Variants in KCNAB2 observed in about 807,000 individuals in gnomAD.
The protein encoded by KCNAB2 is potassium voltage-gated channel subfamily A regulatory beta subunit 2.
In KCNAB2, 29 loss-of-function variants were observed where a neutral mutation model predicts 63.6. The ratio of observed to expected loss-of-function variants is 0.46; its 90% confidence interval spans 0.34 to 0.62. KCNAB2 has a LOEUF of 0.62. KCNAB2 is among the 20% of genes least tolerant of loss of function. The pLI is 0.01. For synonymous variants in KCNAB2, 222 were observed against 224.2 expected (o/e 0.99, Z 0.09); for missense variants, 359 against 563.9 (o/e 0.64, Z 3.68).
At position 6,101,125 on chromosome 1, in the gene KCNAB2, A is replaced by AC. The variant is rs528144676; in HGVS notation, c.*2553dup. ...CCTCGAGCTTCCAAACGAGACTCAG[A>AC]CCGCGACACAGCCACCGTATTTATG... On this transcript the variant is annotated 3_prime_UTR_variant, in exon 16 of 16. Transcript: ENST00000378083. 31 of 152,224 alleles carry AC rather than the reference A, an allele frequency of 2.0e-4. No homozygotes were observed. The highest frequency in any genetic ancestry group is 7.5e-4 in the African/African-American group (31 of 41,534). The allele number at this position is 152,224 out of a possible 1,614,324, so 9.4% of individuals were successfully genotyped here. A position where few individuals can be genotyped will look rare whatever the true frequency, so the allele number is the denominator to read the frequency against.
At chr1:6,091,939 A>C (rs1229977099) in intron 10 of KCNAB2, among the ~76,000 whole-genome samples, 1 of 152,180 alleles carries the variant, frequency 6.6e-6, no homozygotes, top group Non-Finnish European at 1.5e-5. Flanking sequence ...GCCTTCTGAA[A>C]CCAGGGGGTG....
intron 1 of KCNAB2, chr1:6,007,699 G>C (rs971332068): frequency 1.3e-5 from 2 of 152,290 alleles, no homozygotes; most frequent in African/African-American, 2.4e-5. Flanking sequence ...TTTTACTGTG[G>C]ATGCTTGGAA....
At chr1:5,996,211 T>TCA (rs1656929067) in intron 1 of KCNAB2, 1 of 152,720 alleles carries the variant, frequency 6.5e-6, no homozygotes, top group Non-Finnish European at 1.5e-5. Flanking sequence ...CTTCGTCCTG[T>TCA]CACTGCCCAC....
In KCNAB2 at chr1:6,024,932, C is replaced by T. The variant is rs2100347973; in HGVS notation, c.-52-15585C>T. Among the ~76,000 whole-genome samples, 1 of 152,196 alleles carries T rather than the reference C, an allele frequency of 6.6e-6. No individual in the cohort carries two copies. Among genetic ancestry groups the T allele is most frequent in the East Asian group, 1.9e-4 (1 of 5,196 alleles). On this transcript the variant is annotated intron_variant, in intron 1 of 16. Transcript: ENST00000341524. The surrounding 1 kb of genome is among the most constrained non-coding windows in gnomAD (Gnocchi z 5.4). ...TAATATTCTTGGGCCTCAATTTCCC[C>T]ATCTGTAAAAAGCATGTCATAGTCA...
At chr1:6,058,088 C>G (rs867424241) in intron 2 of KCNAB2, among the ~76,000 whole-genome samples, 2 of 152,256 alleles carry the variant, frequency 1.3e-5, no homozygotes, top group Middle Eastern at 6.8e-3. Context: ...GCAGAGTCTG[C>G]AGTGAGCCGA....
intron 2 of KCNAB2, among the ~76,000 whole-genome samples, chr1:6,058,119 A>T (rs1661997898): frequency 6.6e-6 from 1 of 152,334 alleles, no homozygotes; most frequent in South Asian, 2.1e-4. Context: ...CTGGCACTCC[A>T]GCCTGGGTGA....
At position 6,095,631 on chromosome 1, in the gene KCNAB2, G is replaced by A. The variant is rs1277325002; in HGVS notation, c.948+7G>A. On this transcript the variant is annotated splice_region_variant and intron_variant, in intron 13 of 15. Coordinates refer to ENST00000378083, the MANE Select transcript of KCNAB2 (RefSeq NM_001199862.2). Reference sequence around the variant, plus strand: ...CTCAAGAGCCTCCTTGAAGGTGAAGGAACAGCCTGGTGGGGAGGGACGGGC... The same window carrying A: ...CTCAAGAGCCTCCTTGAAGGTGAAGAAACAGCCTGGTGGGGAGGGACGGGC... 1 of 1,612,742 alleles carries A rather than the reference G, an allele frequency of 6.2e-7. No homozygotes were observed. Among genetic ancestry groups the A allele is most frequent in the Non-Finnish European group, 8.5e-7 (1 of 1,179,516 alleles).
intron 1 of KCNAB2, among the ~76,000 whole-genome samples, chr1:6,009,287 A>G: frequency 6.6e-6 from 1 of 152,214 alleles, no homozygotes; most frequent in Middle Eastern, 3.2e-3. Flanking sequence ...GGGGGCATCC[A>G]CCTGTGCAGA....
chr1:6,022,370 G>T (rs1294060772), intron 1 of KCNAB2, among the ~76,000 whole-genome samples: 2 of 149,946 alleles, frequency 1.3e-5, no homozygotes, highest in Non-Finnish European at 1.5e-5. Context: ...TGGTATTAAG[G>T]ATACAGCTAG....
chr1:6,052,987 A>G (rs1405737526), intron 2 of KCNAB2, among the ~76,000 whole-genome samples: 1 of 152,108 alleles, frequency 6.6e-6, no homozygotes, highest in Non-Finnish European at 1.5e-5. Context: ...AGTGGAGTGC[A>G]GGCCAGGACC....
chr1:6,040,965 G>A (rs534558433), upstream of KCNAB2, among the ~76,000 whole-genome samples: 53 of 152,326 alleles, frequency 3.5e-4, no homozygotes, highest in African/African-American at 1.2e-3. Flanking sequence ...GTGAGTGCAC[G>A]GCCAACCCCG....
rs541193422 is a variant in KCNAB2 at position 6,016,218 on chromosome 1, C to T, written c.-53+23430C>T. Among the ~76,000 whole-genome samples the T allele has an allele frequency of 4.5e-3, 690 of 152,284 alleles. 5 individuals carry two copies. The highest frequency in any genetic ancestry group is 0.014 in the Middle Eastern group (4 of 294). ...GAGCGAAGGAGGCTTCCCACGGACT[C>T]CCAGGGGCCAAGCAGGGTCCCCCAG... On this transcript the variant is annotated intron_variant, in intron 1 of 16. Coordinates refer to the KCNAB2 transcript ENST00000341524.
intron 1 of KCNAB2, among the ~76,000 whole-genome samples, chr1:6,021,615 G>A (rs1176535114): frequency 1.3e-5 from 2 of 152,116 alleles, no homozygotes; most frequent in African/African-American, 4.8e-5. Context: ...TGGTTCAGTG[G>A]TATTGAGTAT....
chr1:6,068,531 T>C (rs1350573653), intron 2 of KCNAB2, among the ~76,000 whole-genome samples: 1 of 152,202 alleles, frequency 6.6e-6, no homozygotes, highest in East Asian at 1.9e-4. Flanking sequence ...GCCTGGGAGC[T>C]TTCCTTGCTG....
intron 2 of KCNAB2, among the ~76,000 whole-genome samples, chr1:6,065,560 A>G (rs1258876472): frequency 6.6e-6 from 1 of 152,066 alleles, no homozygotes; most frequent in Non-Finnish European, 1.5e-5. Context: ...GGCCCTGCGC[A>G]GCCCCCCAGG....
chr1:6,023,898 A>T (rs193083322), intron 1 of KCNAB2, among the ~76,000 whole-genome samples: 1 of 151,218 alleles, frequency 6.6e-6, no homozygotes, highest in Admixed American at 6.6e-5. Flanking sequence ...TCAGCCTCCT[A>T]AATAGCTGGG....
At position 6,003,882 on chromosome 1, in the gene KCNAB2, C is replaced by T. The variant is rs1012063390; in HGVS notation, c.-53+11094C>T. Among the ~76,000 whole-genome samples, 22 of 152,210 alleles carry T rather than the reference C, an allele frequency of 1.4e-4. No homozygotes were observed. The highest frequency in any genetic ancestry group is 4.8e-4 in the African/African-American group (20 of 41,446). ...CGCTTCTGCATCTCTTTTTATTCAG[C>T]GGGGCCTTTAATGGATGTGGTGGAG... is the stretch of plus-strand genomic sequence containing the variant. On this transcript the variant is annotated intron_variant, in intron 1 of 16. Coordinates refer to the KCNAB2 transcript ENST00000341524. This position sits in a 1 kb window ranked among gnomAD's most constrained non-coding sequence, Gnocchi z 4.1.
intron 2 of KCNAB2, among the ~76,000 whole-genome samples, chr1:6,067,436 A>T (rs1662850726): frequency 6.6e-6 from 1 of 152,234 alleles, no homozygotes; most frequent in Admixed American, 6.5e-5. Context: ...TTGTGAGTCC[A>T]TCCTGATGCC....
At chr1:6,043,151 T>C (rs1557442970), upstream of KCNAB2, among the ~76,000 whole-genome samples, 1 of 152,010 alleles carries the variant, frequency 6.6e-6, no homozygotes, top group Non-Finnish European at 1.5e-5. Context: ...ATTTCATCAG[T>C]GAAACAAAAC....
Sources: allele counts gnomAD v4.1 joint callset (sites outside exome capture counted in the v4.1 genomes callset), GRCh38; gene constraint gnomAD v4.1.1; non-coding constraint Gnocchi (gnomAD v3.1); transcripts MANE v1.5; gene names NCBI Gene and HGNC (gene_info 2026-07-23, HGNC 2026-07-21).